Variants in PALLD observed in about 807,000 individuals in gnomAD.
The protein encoded by PALLD is palladin, cytoskeletal associated protein, also known as palladin.
In PALLD, 61 loss-of-function variants were observed where a neutral mutation model predicts 123.5. That is an observed-to-expected ratio of 0.49 (90% CI 0.40 to 0.61). The LOEUF is 0.61. PALLD is among the 20% of genes least tolerant of loss of function. The pLI is 0.00. For synonymous variants in PALLD, 465 were observed against 496.4 expected, an observed-to-expected ratio of 0.94 and a Z score of 0.84; for missense variants, 1,273 against 1,377.0, an observed-to-expected ratio of 0.92 and a Z score of 1.20.
chr4:168,712,572 G>A (rs114843772), intron 10 of PALLD, among the ~76,000 whole-genome samples: 4 of 152,242 alleles, frequency 2.6e-5, no homozygotes, highest in South Asian at 2.1e-4. Context: ...CATTGGCACC[G>A]CACAGCAGAG....
intron 10 of PALLD, among the ~76,000 whole-genome samples, chr4:168,714,318 G>T (rs1220307655): frequency 6.6e-6 from 1 of 152,066 alleles, no homozygotes; most frequent in Non-Finnish European, 1.5e-5. Context: ...TTCAGTGTTT[G>T]TTCAGTTTTC....
intron 21 of PALLD, 23 bp from the exon 22 acceptor site, chr4:168,926,190 T>C (rs1762559266): frequency 2.0e-6 from 3 of 1,492,660 alleles, no homozygotes; most frequent in Non-Finnish European, 2.7e-6. Context: ...TTAAAAATCT[T>C]AATTTACTCT....
chr4:168,817,542 G>A (rs961954742), intron 10 of PALLD, among the ~76,000 whole-genome samples: 1 of 152,160 alleles, frequency 6.6e-6, no homozygotes, highest in African/African-American at 2.4e-5. Context: ...GTCAGTACTT[G>A]TTTTAATCTT....
At chr4:168,724,371 C>G (rs1185093164) in intron 10 of PALLD, among the ~76,000 whole-genome samples, 1 of 152,068 alleles carries the variant, frequency 6.6e-6, no homozygotes. Context: ...TAATACATCA[C>G]CTAATAGTGA....
Position 168,778,145 on chromosome 4 carries a change from C to T in PALLD, c.1964+66222C>T, listed in dbSNP as rs528986561. Among the ~76,000 whole-genome samples, 34 of 152,216 alleles carry T rather than the reference C, an allele frequency of 2.2e-4. 1 individual carries two copies. The highest frequency in any genetic ancestry group is 7.9e-4 in the African/African-American group (33 of 41,530). On this transcript the variant is annotated intron_variant, in intron 10 of 21. Transcript: ENST00000505667. ...CAGCTTTTCCTTCCTCTTTTCTTTC[C>T]TGAATTTTTTTTTCTAGAGAAGTCT...
intron 2 of PALLD, among the ~76,000 whole-genome samples, chr4:168,555,408 G>A (rs1439530003): frequency 6.6e-6 from 1 of 152,144 alleles, no homozygotes; most frequent in East Asian, 1.9e-4. Flanking sequence ...TGCCTGGTGG[G>A]GAGAGGGGTA....
In PALLD at chr4:168,927,808, A is replaced by G. The variant is rs574606094; in HGVS notation, c.*1628A>G. On this transcript the variant is annotated 3_prime_UTR_variant, in exon 22 of 22. Coordinates refer to ENST00000505667, the MANE Select transcript of PALLD (RefSeq NM_001166108.2). ...TTAAGTCGGAACCGATAAATTTTAAAAAGGAGAAAAAATAATTTGACCTAG... is the reference window on the plus strand; with the variant it reads ...TTAAGTCGGAACCGATAAATTTTAAGAAGGAGAAAAAATAATTTGACCTAG... 3 of 215,746 alleles carry G rather than the reference A, an allele frequency of 1.4e-5. No homozygotes were observed. Among genetic ancestry groups the G allele is most frequent in the Non-Finnish European group, 2.8e-5 (3 of 106,726 alleles). The allele number at this position is 215,746 out of a possible 1,614,324, so 13.4% of individuals were successfully genotyped here. A position where few individuals can be genotyped will look rare whatever the true frequency, so the allele number is the denominator to read the frequency against.
chr4:168,745,003 C>T (rs1788713267), intron 10 of PALLD, among the ~76,000 whole-genome samples: 1 of 152,160 alleles, frequency 6.6e-6, no homozygotes, highest in Admixed American at 6.5e-5. Context: ...AGTCAAGGAG[C>T]ATCTGTATAG....
intron 14 of PALLD, among the ~76,000 whole-genome samples, chr4:168,899,931 A>G (rs187115542): frequency 6.6e-6 from 1 of 152,034 alleles, no homozygotes; most frequent in African/African-American, 2.4e-5. Context: ...AAAAAAAAAA[A>G]GAAAAGAAAA....
At chr4:168,529,826 T>C (rs973046785) in intron 2 of PALLD, among the ~76,000 whole-genome samples, 10 of 152,174 alleles carry the variant, frequency 6.6e-5, no homozygotes, top group African/African-American at 2.4e-4. Context: ...AAATAAATAC[T>C]TAAAGAAGTA....
At chr4:168,804,863 A>C (rs549886715) in intron 10 of PALLD, among the ~76,000 whole-genome samples, 2 of 152,204 alleles carry the variant, frequency 1.3e-5, no homozygotes, top group East Asian at 3.9e-4. Context: ...TTTTATTCCA[A>C]GAGTTCCCAA....
chr4:168,682,631 T>C (rs1376823386), intron 4 of PALLD, among the ~76,000 whole-genome samples: 1 of 152,206 alleles, frequency 6.6e-6, no homozygotes, highest in East Asian at 1.9e-4. Flanking sequence ...TTCAAATCTC[T>C]GCTTATCAAT....
At chr4:168,700,699 A>G (rs2150157606) in intron 8 of PALLD, 1 of 152,266 alleles carries the variant, frequency 6.6e-6, no homozygotes, top group South Asian at 2.1e-4. Context: ...AAACTAACAA[A>G]CTAATTACAC....
intron 10 of PALLD, among the ~76,000 whole-genome samples, chr4:168,715,019 G>A (rs114340041): frequency 0.022 from 3,296 of 152,032 alleles, 116 homozygotes; most frequent in African/African-American, 0.075. Context: ...AACAGAAGTC[G>A]TCACCTATAG....
intron 10 of PALLD, among the ~76,000 whole-genome samples, chr4:168,732,391 G>A (rs748235328): frequency 1.3e-5 from 2 of 152,180 alleles, no homozygotes; most frequent in Non-Finnish European, 2.9e-5. Flanking sequence ...TCGAAGAAAT[G>A]TGATATGTAT....
chr4:168,673,876 C>G (rs898775755), intron 3 of PALLD, among the ~76,000 whole-genome samples: 5 of 143,126 alleles, frequency 3.5e-5, no homozygotes, highest in Non-Finnish European at 7.5e-5. Flanking sequence ...TAAGTGCTGT[C>G]TTTTGAACGT....
At chr4:168,518,210 G>A (rs11930111) in intron 2 of PALLD, among the ~76,000 whole-genome samples, 112,414 of 151,886 alleles carry the variant, frequency 0.74, 41,818 homozygotes, top group East Asian at 0.86. Flanking sequence ...AATGTCTCCA[G>A]ATCTGACCAC....
chr4:168,698,812 T>A (rs1783405210), intron 8 of PALLD, among the ~76,000 whole-genome samples: 1 of 152,148 alleles, frequency 6.6e-6, no homozygotes, highest in Non-Finnish European at 1.5e-5. Flanking sequence ...TTAATTTTTT[T>A]AAACTAAAGA....
intron 2 of PALLD, among the ~76,000 whole-genome samples, chr4:168,572,763 C>T (rs1274929014): frequency 6.6e-6 from 1 of 151,772 alleles, no homozygotes; most frequent in Non-Finnish European, 1.5e-5. Flanking sequence ...ACCCACACTG[C>T]TCAGCCCTGG....
Sources: gnomAD v4.1 joint callset for allele counts (sites outside exome capture counted in the v4.1 genomes callset) on GRCh38, gnomAD v4.1.1 for gene constraint, MANE v1.5 for transcripts, NCBI Gene and HGNC (gene_info 2026-07-23, HGNC 2026-07-21) for gene names.